Variants in KLF8 observed in about 807,000 individuals in gnomAD.
The protein encoded by KLF8 is Krueppel-like factor 8.
A neutral mutation model predicts 18.2 loss-of-function variants in KLF8; 10 were observed. The observed-to-expected ratio is 0.55, with a 90% confidence interval of 0.34 to 0.93. The LOEUF (loss-of-function observed/expected upper bound fraction) is 0.93. KLF8 is among the 40% of genes least tolerant of loss of function. KLF8 has a pLI of 0.02. For missense variants in KLF8, 264 were observed against 277.9 expected (o/e 0.95, Z 0.36); for synonymous variants, 109 against 97.3 (o/e 1.12, Z -0.71).
the KLF8 span, among the ~76,000 whole-genome samples, chrX:56,115,932 A>G: frequency 8.9e-6 from 1 of 112,517 alleles, no homozygotes; most frequent in South Asian, 3.6e-4. Flanking sequence ...TCAAGCATCT[A>G]TCTTTTCTGT....
chrX:56,192,015 C>T, the KLF8 span, among the ~76,000 whole-genome samples: 3,049 of 111,163 alleles, frequency 0.027, 119 homozygotes, highest in African/African-American at 0.094. Flanking sequence ...GCATACAAAT[C>T]AGAAAGGCAG....
the KLF8 span, among the ~76,000 whole-genome samples, chrX:56,146,913 G>A: frequency 3.6e-5 from 4 of 111,673 alleles, no homozygotes; most frequent in Admixed American, 1.9e-4. Flanking sequence ...TAAACAGAAA[G>A]CACAATTCAA....
chrX:56,233,738 C>A (rs1281259036), intron 1 of KLF8, among the ~76,000 whole-genome samples: 1 of 111,893 alleles, frequency 8.9e-6, no homozygotes, highest in Non-Finnish European at 1.9e-5. Context: ...CCCAGGTAAC[C>A]CCCTGAAGCC....
At chrX:55,916,037 G>C in the KLF8 span, among the ~76,000 whole-genome samples, 3 of 111,866 alleles carry the variant, frequency 2.7e-5, no homozygotes, top group Non-Finnish European at 5.6e-5. Flanking sequence ...ACATGAACAG[G>C]TACTGGTTCT....
chrX:56,185,305 GA>G, the KLF8 span, among the ~76,000 whole-genome samples: 50 of 111,897 alleles, frequency 4.5e-4, no homozygotes, highest in African/African-American at 1.5e-3. Flanking sequence ...GAAATGAAGT[GA>G]AAAGGGAAGT....
At chrX:56,093,207 C>A in the KLF8 span, among the ~76,000 whole-genome samples, 1 of 110,902 alleles carries the variant, frequency 9.0e-6, no homozygotes, top group Admixed American at 9.6e-5. Context: ...TCTTAGAACA[C>A]CCAGCAGGAT....
Position 56,263,062 on chromosome X carries a change from C to T in KLF8, c.82-2118C>T, listed in dbSNP as rs2066907298. 2.7e-5 allele frequency among the ~76,000 whole-genome samples: 3 copies of T among 112,140 alleles called. No individual in the cohort carries two copies. The South Asian group carries it at 1.1e-3, about 42-fold the overall frequency. On this transcript the variant is annotated intron_variant, in intron 2 of 5. Coordinates refer to ENST00000468660, the MANE Select transcript of KLF8 (RefSeq NM_007250.5). ...CTATCTTTTTAATCTGGGAATGGAG[C>T]TACTCAAGTGAAGAGTTATGTGGGA...
the KLF8 span, among the ~76,000 whole-genome samples, chrX:55,924,558 G>A: frequency 8.9e-6 from 1 of 111,751 alleles, no homozygotes; most frequent in Non-Finnish European, 1.9e-5. Context: ...GCATAAAATA[G>A]TGCATGGCAC....
the KLF8 span, among the ~76,000 whole-genome samples, chrX:56,166,401 TG>T: frequency 2.7e-5 from 3 of 111,860 alleles, no homozygotes; most frequent in Admixed American, 2.9e-4. Flanking sequence ...CCATTGCTCT[TG>T]CACCATCAGG....
At chrX:56,010,825 C>A in the KLF8 span, among the ~76,000 whole-genome samples, 1 of 111,347 alleles carries the variant, frequency 9.0e-6, no homozygotes, top group Non-Finnish European at 1.9e-5. Flanking sequence ...AGTTTATGAC[C>A]AAACAGACTT....
At chrX:56,108,578 T>A in the KLF8 span, among the ~76,000 whole-genome samples, 1 of 112,341 alleles carries the variant, frequency 8.9e-6, no homozygotes, top group Non-Finnish European at 1.9e-5. Context: ...TGCATCTTTA[T>A]CTGTTTTCTA....
the KLF8 span, among the ~76,000 whole-genome samples, chrX:55,979,658 C>A: frequency 5.4e-5 from 6 of 112,057 alleles, no homozygotes; most frequent in East Asian, 2.8e-4. Flanking sequence ...AATGGAAGGA[C>A]TGAAGCTGAG....
the KLF8 span, among the ~76,000 whole-genome samples, chrX:56,057,066 T>C: frequency 1.8e-5 from 2 of 111,043 alleles, no homozygotes; most frequent in African/African-American, 3.3e-5. Flanking sequence ...TATGTGAGTG[T>C]TCATCACAGT....
the KLF8 span, among the ~76,000 whole-genome samples, chrX:56,038,240 G>A: frequency 9.0e-6 from 1 of 111,185 alleles, no homozygotes; most frequent in South Asian, 3.8e-4. Flanking sequence ...TAAGTTCATG[G>A]GTATATGGTG....
the KLF8 span, among the ~76,000 whole-genome samples, chrX:56,124,970 C>T: frequency 8.9e-6 from 1 of 112,009 alleles, no homozygotes; most frequent in African/African-American, 3.2e-5. Context: ...TTTAGGCTAA[C>T]AGTCAAGTGG....
the KLF8 span, among the ~76,000 whole-genome samples, chrX:56,070,603 GT>G: frequency 2.7e-5 from 3 of 110,961 alleles, no homozygotes; most frequent in Middle Eastern, 4.6e-3. Context: ...ATAGGTAGGA[GT>G]TGAACAATGA....
chrX:56,057,041 T>C, the KLF8 span, among the ~76,000 whole-genome samples: 1 of 68,916 alleles, frequency 1.5e-5, no homozygotes, highest in Admixed American at 1.4e-4. Context: ...TAACAGGGGC[T>C]TGGGGGACTG....
At chrX:56,022,147 A>G in the KLF8 span, among the ~76,000 whole-genome samples, 1 of 111,205 alleles carries the variant, frequency 9.0e-6, no homozygotes, top group Non-Finnish European at 1.9e-5. Flanking sequence ...TCCCTTATCT[A>G]TAAAAACCAA....
chrX:55,940,616 T>C, the KLF8 span, among the ~76,000 whole-genome samples: 1 of 111,747 alleles, frequency 8.9e-6, no homozygotes, highest in African/African-American at 3.3e-5. Flanking sequence ...CATGATTATA[T>C]ATCTAGAAAA....
Sources: allele counts gnomAD v4.1 joint callset (sites outside exome capture counted in the v4.1 genomes callset), GRCh38; gene constraint gnomAD v4.1.1; transcripts MANE v1.5; gene names NCBI Gene and HGNC (gene_info 2026-07-23, HGNC 2026-07-21).